Variants in PTPN3 observed in about 807,000 individuals in gnomAD.
PTPN3 encodes protein tyrosine phosphatase non-receptor type 3.
Under a neutral mutation model 132.7 loss-of-function variants are expected in PTPN3, and 96 were observed. That is an observed-to-expected ratio of 0.72 (90% CI 0.61 to 0.86). The LOEUF (loss-of-function observed/expected upper bound fraction) is 0.86. PTPN3 is among the 40% of genes least tolerant of loss of function. PTPN3 has a pLI of 0.00. For synonymous variants in PTPN3, 398 were observed against 429.0 expected, an observed-to-expected ratio of 0.93 and a Z score of 0.89; for missense variants, 1,125 against 1,159.6, an observed-to-expected ratio of 0.97 and a Z score of 0.43.
chr9:109,425,980 C>A (rs1437388177), intron 12 of PTPN3, among the ~76,000 whole-genome samples: 1 of 145,708 alleles, frequency 6.9e-6, no homozygotes, highest in African/African-American at 2.6e-5. Flanking sequence ...CACCACTACA[C>A]TCCAGGCTGG....
At chr9:109,421,180 G>A (rs1842869221) in intron 13 of PTPN3, among the ~76,000 whole-genome samples, 1 of 152,200 alleles carries the variant, frequency 6.6e-6, no homozygotes, top group African/African-American at 2.4e-5. Flanking sequence ...AGTGGCAGTA[G>A]GCATGTGACC....
chr9:109,464,493 A>G (rs1236316980), intron 1 of PTPN3, among the ~76,000 whole-genome samples: 1 of 152,212 alleles, frequency 6.6e-6, no homozygotes, highest in Non-Finnish European at 1.5e-5. Flanking sequence ...CTGTACACCA[A>G]ATCTCCAAGA....
intron 9 of PTPN3, among the ~76,000 whole-genome samples, chr9:109,434,901 A>G (rs1046126180): frequency 1.3e-5 from 2 of 152,226 alleles, no homozygotes; most frequent in Non-Finnish European, 2.9e-5. Context: ...TGTGAACCAC[A>G]ATGTGAACAT....
In PTPN3 at chr9:109,441,060, G is replaced by T. The variant is rs77412482; in HGVS notation, c.467-2826C>A. On this transcript the variant is annotated intron_variant, in intron 7 of 25. Transcript: ENST00000374541. Reference sequence around the variant, plus strand: ...ACACATAAGGAAACAGACCCAAAGGGGTCTGCCACTGTTGCTCAGCTGCTA... The same window carrying T: ...ACACATAAGGAAACAGACCCAAAGGTGTCTGCCACTGTTGCTCAGCTGCTA... Among the ~76,000 whole-genome samples, 417 of 152,206 alleles carry T rather than the reference G, an allele frequency of 2.7e-3. 9 individuals are homozygous for T. Among genetic ancestry groups the T allele is most frequent in the Non-Finnish European group, 2.8e-3 (193 of 68,016 alleles).
rs1413544701 is a variant in PTPN3 at position 109,430,765 on chromosome 9, T to C, written c.765-2081A>G. ...ACAAGAGCACTAAGAACTGAGCCTA[T>C]AGGCTCCTATGGCCCGTGAAGCCCT... On this transcript the variant is annotated intron_variant, in intron 10 of 25. Transcript: ENST00000374541. Among the ~76,000 whole-genome samples, 9 of 152,320 alleles carry C rather than the reference T, an allele frequency of 5.9e-5. 1 individual carries two copies. In the East Asian group the frequency reaches 1.5e-3, roughly 26 times the overall value.
chr9:109,398,595 T>G (rs113041056), intron 19 of PTPN3, among the ~76,000 whole-genome samples: 16 of 152,194 alleles, frequency 1.1e-4, no homozygotes, highest in African/African-American at 3.9e-4. Context: ...TTGTAGCCAC[T>G]GCTGTAATCC....
chr9:109,392,436 A>G (rs1007834364), intron 19 of PTPN3, among the ~76,000 whole-genome samples: 1 of 152,060 alleles, frequency 6.6e-6, no homozygotes, highest in African/African-American at 2.4e-5. Context: ...GAAAAAAATT[A>G]TCAGCAATTT....
At chr9:109,448,902 CAAA>C (rs35966698) in intron 5 of PTPN3, 47 bp from the exon 6 acceptor site, 3,617 of 1,277,506 alleles carry the variant, frequency 2.8e-3, no homozygotes, top group South Asian at 8.4e-3. Flanking sequence ...CTGAAATAAG[CAAA>C]AAAAAAAAAA....
upstream of PTPN3, among the ~76,000 whole-genome samples, chr9:109,500,274 A>G (rs1288787300): frequency 6.6e-6 from 1 of 152,192 alleles, no homozygotes; most frequent in Non-Finnish European, 1.5e-5. Context: ...TCAACGGAGG[A>G]TGTGTGAATT....
In PTPN3 at chr9:109,455,676, C is replaced by T. The variant is rs374801787; in HGVS notation, c.290-1102G>A. Among the ~76,000 whole-genome samples, 68 of 152,322 alleles carry T rather than the reference C, an allele frequency of 4.5e-4. 1 individual carries two copies. The East Asian group carries it at 0.011, about 25-fold the overall frequency. ...GGATGCTTGTTCACCTCCCCTCCCC[C>T]TCTTCTAAAACTTTTCATCTCTGCG... is the stretch of plus-strand genomic sequence containing the variant. On this transcript the variant is annotated intron_variant, in intron 4 of 25. Coordinates refer to ENST00000374541, the MANE Select transcript of PTPN3 (RefSeq NM_002829.4).
At chr9:109,534,451 G>C in the PTPN3 span, 1 of 1,231,250 alleles carries the variant, frequency 8.1e-7, no homozygotes, top group Non-Finnish European at 1.1e-6. Flanking sequence ...TCCGCTCTCC[G>C]CTCCCGCTAC....
At chr9:109,518,935 C>T in the PTPN3 span, among the ~76,000 whole-genome samples, 1 of 152,138 alleles carries the variant, frequency 6.6e-6, no homozygotes, top group East Asian at 1.9e-4. Flanking sequence ...GTCTGGCAAA[C>T]TCCTATTCAT....
chr9:109,515,664 G>T, the PTPN3 span, among the ~76,000 whole-genome samples: 1 of 152,154 alleles, frequency 6.6e-6, no homozygotes, highest in Non-Finnish European at 1.5e-5. Context: ...TTCTGGTGAG[G>T]GTCTCAGGAA....
chr9:109,459,881 C>T (rs1447791471), intron 2 of PTPN3, among the ~76,000 whole-genome samples: 2 of 152,100 alleles, frequency 1.3e-5, no homozygotes, highest in Admixed American at 6.6e-5. Flanking sequence ...CTGCTCCTCA[C>T]CTCTCCTACC....
In PTPN3 at chr9:109,435,006, T is replaced by A. The variant is rs546486123; in HGVS notation, c.676-1845A>T. On this transcript the variant is annotated intron_variant, in intron 9 of 25. Transcript: ENST00000374541. Reference sequence around the variant, plus strand: ...GTACCCAACAGAAATCACATGCTTATAACAAAACCAAATTTGCTTGATGAA... The same window carrying A: ...GTACCCAACAGAAATCACATGCTTAAAACAAAACCAAATTTGCTTGATGAA... Among the ~76,000 whole-genome samples the A allele has an allele frequency of 7.2e-5, 11 of 152,302 alleles. 1 individual carries two copies. In the South Asian group the frequency reaches 2.3e-3, roughly 32 times the overall value.
At chr9:109,527,958 A>C in the PTPN3 span, among the ~76,000 whole-genome samples, 1 of 152,220 alleles carries the variant, frequency 6.6e-6, no homozygotes, top group Non-Finnish European at 1.5e-5. Flanking sequence ...AAAACTGTAA[A>C]GATTACTTCA....
At chr9:109,477,013 C>T (rs1846700561) in intron 1 of PTPN3, among the ~76,000 whole-genome samples, 1 of 152,162 alleles carries the variant, frequency 6.6e-6, no homozygotes, top group Non-Finnish European at 1.5e-5. Context: ...AACCATTTTA[C>T]AAGATTGGGA....
rs150649364 is a variant in PTPN3, at chr9:109,386,140, C to T, written c.2254-2589G>A. Among the ~76,000 whole-genome samples, 231 of 152,152 alleles carry T rather than the reference C, an allele frequency of 1.5e-3. 2 individuals are homozygous for T. The highest frequency in any genetic ancestry group is 5.3e-3 in the African/African-American group (218 of 41,494). ...CTCCTAATCCAGAAGAACTGGTGGG[C>T]AGTGATGAAGATGAGATAGGAACTT... On this transcript the variant is annotated intron_variant, in intron 22 of 25. Coordinates refer to ENST00000374541, the MANE Select transcript of PTPN3 (RefSeq NM_002829.4).
At chr9:109,454,749 C>A (rs1564458222) in intron 4 of PTPN3, among the ~76,000 whole-genome samples, 175 bp from the exon 5 acceptor site, 1 of 152,200 alleles carries the variant, frequency 6.6e-6, no homozygotes, top group Non-Finnish European at 1.5e-5. Flanking sequence ...ATCTCCAAGT[C>A]TTCAAAAAGT....
Sources: allele counts gnomAD v4.1 joint callset (sites outside exome capture counted in the v4.1 genomes callset), GRCh38; gene constraint gnomAD v4.1.1; transcripts MANE v1.5; gene names NCBI Gene and HGNC (gene_info 2026-07-23, HGNC 2026-07-21).